The following GRID1 variants were observed in gnomAD, a reference collection of about 807,000 sequenced individuals.
The protein encoded by GRID1 is glutamate ionotropic receptor delta type subunit 1, also known as glutamate receptor ionotropic, delta-1.
A neutral mutation model predicts 98.0 loss-of-function variants in GRID1; 28 were observed. The ratio of observed to expected loss-of-function variants is 0.29; its 90% CI spans 0.21 to 0.39. The LOEUF (loss-of-function observed/expected upper bound fraction) is 0.39, where lower values mean the gene tolerates loss of function less well. Ranked by LOEUF, GRID1 falls within the 10% of genes least tolerant of loss-of-function variation. GRID1 has a pLI of 1.00. For synonymous variants in GRID1, 553 were observed against 538.5 expected (o/e 1.03, Z -0.37); for missense variants, 1,111 against 1,340.5 (o/e 0.83, Z 2.67).
At chr10:85,805,456 C>A (rs533205707) in intron 8 of GRID1, among the ~76,000 whole-genome samples, 9 of 151,750 alleles carry the variant, frequency 5.9e-5, no homozygotes, top group East Asian at 5.8e-4. Flanking sequence ...CAATCCCCCC[C>A]AAAAAATCCC....
intron 3 of GRID1, among the ~76,000 whole-genome samples, chr10:86,177,968 C>CT (rs1332761837): frequency 1.3e-5 from 2 of 152,176 alleles, no homozygotes; most frequent in Non-Finnish European, 2.9e-5. Context: ...GAAGAACATA[C>CT]TATGCTCCCC....
At chr10:85,845,033 A>T (rs1490955652) in intron 8 of GRID1, among the ~76,000 whole-genome samples, 1 of 151,950 alleles carries the variant, frequency 6.6e-6, no homozygotes, top group African/African-American at 2.4e-5. Flanking sequence ...ATCAAGAACA[A>T]AATAAAGATG....
At chr10:85,680,549 A>G (rs1037747353) in intron 12 of GRID1, among the ~76,000 whole-genome samples, 5 of 152,246 alleles carry the variant, frequency 3.3e-5, no homozygotes, top group Non-Finnish European at 5.9e-5. Flanking sequence ...CACAAGCCCT[A>G]TGGAAAACAG....
At chr10:86,032,205 T>TG (rs1233925835) in intron 4 of GRID1, among the ~76,000 whole-genome samples, 1 of 151,668 alleles carries the variant, frequency 6.6e-6, no homozygotes, top group African/African-American at 2.4e-5. Context: ...GGGAGGGAGG[T>TG]GGGGGGGCAG....
At chr10:86,226,308 C>A (rs1846342783) in intron 2 of GRID1, among the ~76,000 whole-genome samples, 1 of 147,792 alleles carries the variant, frequency 6.8e-6, no homozygotes, top group Admixed American at 6.7e-5. Flanking sequence ...GTGGTCAGAG[C>A]CCACCCCAGC....
intron 8 of GRID1, among the ~76,000 whole-genome samples, chr10:85,788,579 C>T (rs1286313022): frequency 2.0e-5 from 3 of 152,246 alleles, no homozygotes; most frequent in South Asian, 2.1e-4. Context: ...TTGTCCCACA[C>T]ATAAGTCATT....
Position 85,737,645 on chromosome 10 carries a change from GATATAT to G in GRID1, c.1234-8037_1234-8032del, listed in dbSNP as rs66947723. ...TTGAACAACAACAACAGTAAAGCCA[GATATAT>G]ATATATATATATATATATATATAAA... On this transcript the variant is annotated intron_variant, in intron 8 of 15. Transcript: ENST00000327946. Among the ~76,000 whole-genome samples, 447 of 95,658 alleles carry G rather than the reference GATATAT, an allele frequency of 4.7e-3. 13 individuals carry two copies. Among genetic ancestry groups the G allele is most frequent in the Middle Eastern group, 0.015 (2 of 134 alleles). The allele number at this position is 95,658 out of a possible 152,430, so 62.8% of individuals were successfully genotyped here. A position where few individuals can be genotyped will look rare whatever the true frequency, so the allele number is the denominator to read the frequency against.
At chr10:86,312,977 A>T (rs1169162532) in intron 2 of GRID1, among the ~76,000 whole-genome samples, 1 of 152,248 alleles carries the variant, frequency 6.6e-6, no homozygotes, top group African/African-American at 2.4e-5. Context: ...TGTGGCAACG[A>T]AACAACAGAG....
intron 8 of GRID1, among the ~76,000 whole-genome samples, chr10:85,760,098 C>A (rs1281451039): frequency 1.3e-5 from 2 of 152,158 alleles, no homozygotes; most frequent in Admixed American, 1.3e-4. Flanking sequence ...TTCTGACATC[C>A]ATTTTTGTTA....
Position 85,599,919 on chromosome 10 carries a change from T to TCTCTCTCACACACACA in GRID1, c.*2353_*2354insTGTGTGTGTGAGAGAG, listed in dbSNP as rs1554857354. ...GTCTCTCTCTCTCTCTCTCTCTCTCTCACACACACACACACACACAAACAC... is the reference window on the plus strand; with the variant it reads ...GTCTCTCTCTCTCTCTCTCTCTCTCTCTCTCTCACACACACACACACACACACACACACACAAACAC... On this transcript the variant is annotated 3_prime_UTR_variant, in exon 16 of 16. Coordinates refer to ENST00000327946, the MANE Select transcript of GRID1 (RefSeq NM_017551.3). 2.0e-4 allele frequency: 26 copies of TCTCTCTCACACACACA among 131,520 alleles called. No homozygotes were observed. The highest frequency in any genetic ancestry group is 7.5e-4 in the African/African-American group (24 of 31,958). 8.1% of individuals were successfully genotyped at this position (131,520 alleles called of 1,614,324 possible).
At chr10:86,051,480 C>T (rs1843501605) in intron 4 of GRID1, among the ~76,000 whole-genome samples, 1 of 149,900 alleles carries the variant, frequency 6.7e-6, no homozygotes, top group Admixed American at 6.6e-5. Flanking sequence ...ATGATTTTAC[C>T]ATATATAAAT....
intron 6 of GRID1, among the ~76,000 whole-genome samples, chr10:85,857,912 G>A (rs1843128655): frequency 6.6e-6 from 1 of 152,120 alleles, no homozygotes; most frequent in South Asian, 2.1e-4. Context: ...CTTAGTCCAG[G>A]TGCTCCAAAA....
intron 4 of GRID1, among the ~76,000 whole-genome samples, chr10:85,994,174 C>T (rs1190773377): frequency 6.6e-6 from 1 of 152,164 alleles, no homozygotes. Context: ...CAGAAAGAGG[C>T]TTGACCCAAT....
At chr10:86,314,858 T>C (rs113016764) in intron 2 of GRID1, among the ~76,000 whole-genome samples, 2 of 152,268 alleles carry the variant, frequency 1.3e-5, no homozygotes, top group African/African-American at 4.8e-5. Flanking sequence ...AAAGGCCACA[T>C]GGTGCAGAGC....
At chr10:86,212,939 T>C (rs1846126912) in intron 2 of GRID1, among the ~76,000 whole-genome samples, 1 of 152,110 alleles carries the variant, frequency 6.6e-6, no homozygotes, top group African/African-American at 2.4e-5. Context: ...AAGAGGCCAA[T>C]GCTAGAGCTC....
chr10:85,993,404 G>A (rs1842705366), intron 4 of GRID1, among the ~76,000 whole-genome samples: 1 of 152,188 alleles, frequency 6.6e-6, no homozygotes, highest in Admixed American at 6.5e-5. Flanking sequence ...ACAGTGCAAG[G>A]GTCACTTGTA....
chr10:85,821,516 C>CAAA (rs1157209045), intron 8 of GRID1, among the ~76,000 whole-genome samples: 17 of 9,104 alleles, frequency 1.9e-3, no homozygotes, highest in East Asian at 5.7e-3. Context: ...GACTTCATCT[C>CAAA]AAAAAAAAAA....
chr10:85,733,805 T>A (rs1029309546), intron 8 of GRID1, among the ~76,000 whole-genome samples: 1 of 152,178 alleles, frequency 6.6e-6, no homozygotes, highest in Admixed American at 6.5e-5. Context: ...TCAATTATGT[T>A]TTTTTAAAAG....
intron 2 of GRID1, among the ~76,000 whole-genome samples, chr10:86,315,622 C>T (rs1191726297): frequency 6.6e-6 from 1 of 152,136 alleles, no homozygotes; most frequent in African/African-American, 2.4e-5. Context: ...CCACATTAAC[C>T]CATCCACCTG....
Sources: gnomAD v4.1 joint callset for allele counts (sites outside exome capture counted in the v4.1 genomes callset) on GRCh38, gnomAD v4.1.1 for gene constraint, MANE v1.5 for transcripts, NCBI Gene and HGNC (gene_info 2026-07-23, HGNC 2026-07-21) for gene names.